The following HS1BP3 variants were observed in gnomAD, a reference collection of about 807,000 sequenced individuals.
HS1BP3 encodes the protein HCLS1 binding protein 3.
In HS1BP3, 32 loss-of-function variants were observed where a neutral mutation model predicts 33.5. The ratio of observed to expected loss-of-function variants is 0.95; its 90% confidence interval spans 0.72 to 1.28. The LOEUF is 1.28. Ranked by LOEUF, HS1BP3 falls within the 50% of genes most tolerant of loss-of-function variation. The pLI, the probability that HS1BP3 is intolerant of heterozygous loss-of-function variation, is 0.00. For missense variants in HS1BP3, 486 were observed against 502.3 expected (o/e 0.97, Z 0.31); for synonymous variants, 187 against 209.2 (o/e 0.89, Z 0.92).
intron 4 of HS1BP3, among the ~76,000 whole-genome samples, chr2:20,629,023 C>T (rs1345790722): frequency 3.3e-5 from 5 of 152,152 alleles, no homozygotes; most frequent in Admixed American, 6.5e-5. Context: ...AGCGGTGGTG[C>T]GAGGGGAAGA....
downstream of HS1BP3, among the ~76,000 whole-genome samples, chr2:20,558,425 C>T (rs965719815): frequency 2.0e-5 from 3 of 152,160 alleles, no homozygotes; most frequent in African/African-American, 7.2e-5. Flanking sequence ...CTGCACCCTC[C>T]CTTATTGAGC....
intron 3 of HS1BP3, among the ~76,000 whole-genome samples, chr2:20,593,813 A>G (rs1486022695): frequency 6.6e-6 from 1 of 152,192 alleles, no homozygotes; most frequent in African/African-American, 2.4e-5. Flanking sequence ...CGGGGATGGA[A>G]GAGTGGGTCC....
chr2:20,602,692 A>C (rs992976146), intron 2 of HS1BP3, among the ~76,000 whole-genome samples: 8 of 152,260 alleles, frequency 5.3e-5, no homozygotes, highest in Admixed American at 1.3e-4. Context: ...AGTCGATGAC[A>C]CCAAAAGCAC....
rs573257138 is a variant in HS1BP3 at position 20,649,543 on chromosome 2, G to A, written c.32+1489C>T. 3.3e-5 allele frequency among the ~76,000 whole-genome samples: 5 copies of A among 152,326 alleles called. 1 individual carries two copies. In the South Asian group the frequency reaches 8.3e-4, roughly 25 times the overall value. ...GCCTGTGCCCTCATTAAAGCTCTAC[G>A]AGAGGGACTTGTTTGTCTCCTAGAA... is the stretch of plus-strand genomic sequence containing the variant. On this transcript the variant is annotated intron_variant, in intron 1 of 6. Transcript: ENST00000304031.
chr2:20,604,861 G>C (rs1350681997), intron 2 of HS1BP3, among the ~76,000 whole-genome samples: 2 of 152,096 alleles, frequency 1.3e-5, no homozygotes, highest in African/African-American at 4.8e-5. Flanking sequence ...GGCCTCACCT[G>C]GTTGCACTAC....
intron 5 of HS1BP3, among the ~76,000 whole-genome samples, chr2:20,564,786 G>A (rs1216672918): frequency 6.6e-6 from 1 of 152,124 alleles, no homozygotes; most frequent in Non-Finnish European, 1.5e-5. Context: ...GCCCGGCCCA[G>A]AAATAGCCTT....
At chr2:20,571,680 T>G (rs965744377) in intron 5 of HS1BP3, among the ~76,000 whole-genome samples, 3 of 152,220 alleles carry the variant, frequency 2.0e-5, no homozygotes, top group African/African-American at 7.2e-5. Flanking sequence ...GCCCACATCC[T>G]GGCCCATGGG....
downstream of HS1BP3, among the ~76,000 whole-genome samples, chr2:20,556,435 T>G (rs1263906254): frequency 1.3e-5 from 2 of 151,790 alleles, no homozygotes; most frequent in African/African-American, 2.4e-5. Flanking sequence ...CTGACTTATT[T>G]TACATCATCA....
chr2:20,589,525 C>A (rs1390239525), downstream of HS1BP3, among the ~76,000 whole-genome samples: 1 of 152,178 alleles, frequency 6.6e-6, no homozygotes. Context: ...TCTGAAAAAT[C>A]GACTGAGGGA....
In HS1BP3 at chr2:20,624,754, C is replaced by G. The variant is rs138020355; in HGVS notation, c.762G>C (p.Ser254=). 2.5e-6 allele frequency: 4 copies of G among 1,606,518 alleles called. No individual in the cohort carries two copies. The highest frequency in any genetic ancestry group is 3.4e-6 in the Non-Finnish European group (4 of 1,175,538). ...TACGGTCCACGGATGACACGTCCTC[C>G]GAGGGGTCCTGTGGAGACAGCTTCC... is the stretch of plus-strand genomic sequence containing the variant. ...PGRKLSPQDP[S]EDVSSVDPLK... is the part of the protein sequence containing the mutation. The change falls in exon 5 of 7, where the codon TCG becomes TCC. Residue 254 remains serine, a synonymous_variant. Transcript: ENST00000304031.
At chr2:20,564,630 T>C (rs550075828) in intron 5 of HS1BP3, among the ~76,000 whole-genome samples, 3 of 152,270 alleles carry the variant, frequency 2.0e-5, no homozygotes, top group African/African-American at 7.2e-5. Flanking sequence ...ACTACCAGCA[T>C]GTACCACCAT....
At chr2:20,554,732 CA>C in the HS1BP3 span, among the ~76,000 whole-genome samples, 5 of 149,162 alleles carry the variant, frequency 3.4e-5, no homozygotes, top group African/African-American at 1.2e-4. Context: ...AGCACTCAGA[CA>C]GGGTTTGGAA....
intron 5 of HS1BP3, among the ~76,000 whole-genome samples, chr2:20,575,988 T>C (rs1423337405): frequency 1.3e-5 from 2 of 152,036 alleles, no homozygotes; most frequent in Admixed American, 1.3e-4. Context: ...TCCATCTTTG[T>C]TTTGTTTTGT....
In HS1BP3 at chr2:20,620,009, A is replaced by G. The variant is rs75637958; in HGVS notation, c.921-764T>C. On this transcript the variant is annotated intron_variant, in intron 6 of 6. Coordinates refer to ENST00000304031, the MANE Select transcript of HS1BP3 (RefSeq NM_022460.4). ...AATCTCCCACTGGTGGGTGGGCAAA[A>G]AGCCCTGGCAGTGTTACGGTCACTC... is the stretch of plus-strand genomic sequence containing the variant. Among the ~76,000 whole-genome samples, 266 of 152,246 alleles carry G rather than the reference A, an allele frequency of 1.7e-3. 2 individuals are homozygous for G. Among genetic ancestry groups the G allele is most frequent in the African/African-American group, 6.3e-3 (262 of 41,538 alleles).
intron 1 of HS1BP3, among the ~76,000 whole-genome samples, chr2:20,649,181 C>T (rs964187344): frequency 3.3e-5 from 5 of 152,216 alleles, no homozygotes; most frequent in East Asian, 1.9e-4. Context: ...ACAGCCTTCT[C>T]GGCCTTTCCT....
intron 3 of HS1BP3, chr2:20,598,192 T>C: frequency 2.9e-6 from 1 of 339,996 alleles, no homozygotes; most frequent in Non-Finnish European, 6.1e-6. Flanking sequence ...TATAATGAAA[T>C]AATGATCTAA....
downstream of HS1BP3, among the ~76,000 whole-genome samples, chr2:20,615,925 T>A (rs889063228): frequency 1.1e-4 from 16 of 152,112 alleles, no homozygotes; most frequent in African/African-American, 3.9e-4. Flanking sequence ...ACTCAACAGG[T>A]AGGTGCTCTC....
intron 5 of HS1BP3, among the ~76,000 whole-genome samples, chr2:20,568,459 G>A (rs1044055923): frequency 7.9e-5 from 12 of 152,166 alleles, no homozygotes; most frequent in Non-Finnish European, 1.8e-4. Flanking sequence ...AGGCTTCAGT[G>A]TTCACTCGGG....
chr2:20,617,338 C>T (rs1009153494), downstream of HS1BP3, among the ~76,000 whole-genome samples: 14 of 152,262 alleles, frequency 9.2e-5, no homozygotes, highest in African/African-American at 2.4e-4. Flanking sequence ...TGGGTGGAGC[C>T]GGTGCTGGAG....
Sources: gnomAD v4.1 joint callset for allele counts (sites outside exome capture counted in the v4.1 genomes callset) on GRCh38, gnomAD v4.1.1 for gene constraint, MANE v1.5 for transcripts, NCBI Gene and HGNC (gene_info 2026-07-23, HGNC 2026-07-21) for gene names.